CDC25B: variants seen among roughly 807,000 people sequenced by gnomAD.
The protein encoded by CDC25B is M-phase inducer phosphatase 2.
CDC25B carries 33 observed loss-of-function variants against 69.8 expected under a neutral mutation model. The ratio of observed to expected loss-of-function variants is 0.47; its 90% CI spans 0.36 to 0.63. The LOEUF (loss-of-function observed/expected upper bound fraction) is 0.63. Ranked by LOEUF, CDC25B falls within the 30% of genes least tolerant of loss-of-function variation. The pLI is 0.00. For missense variants in CDC25B, 727 were observed against 809.1 expected, an observed-to-expected ratio of 0.90 and a Z score of 1.23; for synonymous variants, 341 against 314.6, an observed-to-expected ratio of 1.08 and a Z score of -0.89.
In CDC25B at chr20:3,805,063, T is replaced by C; in HGVS notation, c.*102T>C. On this transcript the variant is annotated 3_prime_UTR_variant, in exon 16 of 16. Coordinates refer to ENST00000245960, the MANE Select transcript of CDC25B (RefSeq NM_021873.4). The stretch of plus-strand genomic sequence containing the variant: ...AGGGCCTGCTGGAGGCCTCAGGTGC[T>C]GTCCATGGGAAAGATGGTGTGGGTG... The C allele has an allele frequency of 8.2e-7, 1 of 1,226,910 alleles. No individual in the cohort carries two copies. The highest frequency in any genetic ancestry group is 2.5e-5 in the East Asian group (1 of 39,954). 76.0% of individuals were successfully genotyped at this position (1,226,910 alleles called of 1,614,324 possible). A position where few individuals can be genotyped will look rare whatever the true frequency, so the allele number is the denominator to read the frequency against.
chr20:3,791,780 C>A (rs1393561700), upstream of CDC25B, among the ~76,000 whole-genome samples: 1 of 152,204 alleles, frequency 6.6e-6, no homozygotes, highest in Non-Finnish European at 1.5e-5. Context: ...GGCATACTTA[C>A]TGCATCGTTG....
chr20:3,804,639 A>G lies in CDC25B; in HGVS notation c.1561A>G (p.Ile521Val), dbSNP rs2089410321. 1 of 1,613,848 alleles carries G rather than the reference A, an allele frequency of 6.2e-7. No homozygotes were observed. Among genetic ancestry groups the G allele is most frequent in the Non-Finnish European group, 8.5e-7 (1 of 1,179,922 alleles). The change falls in exon 15 of 16, where the codon ATC (isoleucine) becomes GTC (valine). Residue 521 changes from isoleucine (I) to valine (V), a missense_variant. Physicochemically the swap from Ile to Val is conservative, Grantham distance 29. This residue lies in a region of CDC25B where 359 missense variants were observed against 463.4 expected (regional missense o/e 0.77). Coordinates refer to ENST00000245960, the MANE Select transcript of CDC25B (RefSeq NM_021873.4). ...CAGCCTCTACTACCCTGAGATGTAT[A>G]TCCTGAAAGGCGGCTACAAGGAGTT... Reference protein sequence around the residue: ...YPSLYYPEMYILKGGYKEFFP... With the variant: ...YPSLYYPEMYVLKGGYKEFFP...
upstream of CDC25B, among the ~76,000 whole-genome samples, chr20:3,795,587 C>T (rs2087200520): frequency 6.6e-6 from 1 of 152,212 alleles, no homozygotes; most frequent in African/African-American, 2.4e-5. Context: ...CCTAGTTCCA[C>T]CGTTTAGAGC....
chr20:3,798,823 T>C (rs2089160402), intron 3 of CDC25B, among the ~76,000 whole-genome samples: 1 of 152,218 alleles, frequency 6.6e-6, no homozygotes. Flanking sequence ...TGTGAAATAT[T>C]ACAATTTAAA....
chr20:3,796,526 G>C lies in CDC25B; in HGVS notation c.-6G>C, dbSNP rs1335559534. ...CTCCAGCCAGCCTTCTGCCGGCCCC[G>C]CCGCGATGGAGGTGCCCCAGCCGGA... On this transcript the variant is annotated 5_prime_UTR_variant, in exon 1 of 16. Coordinates refer to ENST00000245960, the MANE Select transcript of CDC25B (RefSeq NM_021873.4). 28 of 1,485,558 alleles carry C rather than the reference G, an allele frequency of 1.9e-5. No individual in the cohort carries two copies. The highest frequency in any genetic ancestry group is 2.5e-5 in the Non-Finnish European group (28 of 1,125,434). The allele number at this position is 1,485,558 out of a possible 1,614,324, so 92.0% of individuals were successfully genotyped here.
upstream of CDC25B, among the ~76,000 whole-genome samples, chr20:3,794,728 C>G (rs1036132235): frequency 3.3e-5 from 5 of 152,184 alleles, no homozygotes; most frequent in African/African-American, 4.8e-5. Flanking sequence ...GGAAAGGTCA[C>G]GTTCCCACCT....
At chr20:3,798,228 C>T (rs1373543076) in intron 2 of CDC25B, among the ~76,000 whole-genome samples, 184 bp from the exon 3 acceptor site, 3 of 151,758 alleles carry the variant, frequency 2.0e-5, no homozygotes, top group African/African-American at 2.4e-5. Context: ...AGCCCTGTAC[C>T]GTCTGGGGGA....
rs1295421990 is a variant in CDC25B at position 3,796,427 on chromosome 20, C to CG, written c.-105_-104insG. ...TTCCTCCCTCCCTCCTTCCCCCCCC[C>CG]CCCACCCCTCGCCCGCTGCCTCCCT... is the stretch of plus-strand genomic sequence containing the variant. On this transcript the variant is annotated 5_prime_UTR_variant, in exon 1 of 16. Transcript: ENST00000245960. The CG allele has an allele frequency of 1.2e-5, 3 of 253,908 alleles. No individual in the cohort carries two copies. Among genetic ancestry groups the CG allele is most frequent in the South Asian group, 4.9e-5 (1 of 20,326 alleles). 15.7% of individuals were successfully genotyped at this position (253,908 alleles called of 1,614,324 possible).
chr20:3,795,996 C>T (rs1276087259), upstream of CDC25B: 27 of 989,816 alleles, frequency 2.7e-5, no homozygotes, highest in Non-Finnish European at 3.2e-5. Flanking sequence ...GACGACATGC[C>T]GCGGGGGGTC....
In CDC25B at chr20:3,805,545, C is replaced by A; in HGVS notation, c.*584C>A. The A allele has an allele frequency of 2.6e-6, 1 of 385,368 alleles. No homozygotes were observed. Among genetic ancestry groups the A allele is most frequent in the South Asian group, 1.4e-4 (1 of 7,082 alleles). The allele number at this position is 385,368 out of a possible 1,614,324, so 23.9% of individuals were successfully genotyped here. ...CTTACTCTTTCCTATTTCAGTGTTA[C>A]CTGTGTGCTTGGTCTGTTTGACTTT... On this transcript the variant is annotated 3_prime_UTR_variant, in exon 16 of 16. Coordinates refer to ENST00000245960, the MANE Select transcript of CDC25B (RefSeq NM_021873.4).
exon 1 of CDC25B, chr20:3,787,083 C>A: frequency 5.2e-6 from 3 of 575,232 alleles, no homozygotes; most frequent in Non-Finnish European, 9.2e-6. Context: ...TTTTGCGGAA[C>A]CTGAAAAATT....
At position 3,796,526 on chromosome 20, in the gene CDC25B, G is replaced by A. The variant is rs1335559534; in HGVS notation, c.-6G>A. ...CTCCAGCCAGCCTTCTGCCGGCCCCGCCGCGATGGAGGTGCCCCAGCCGGA... is the reference window on the plus strand; with the variant it reads ...CTCCAGCCAGCCTTCTGCCGGCCCCACCGCGATGGAGGTGCCCCAGCCGGA... On this transcript the variant is annotated 5_prime_UTR_variant, in exon 1 of 16. Transcript: ENST00000245960. 1 of 1,485,654 alleles carries A rather than the reference G, an allele frequency of 6.7e-7. No homozygotes were observed. Among genetic ancestry groups the A allele is most frequent in the African/African-American group, 1.5e-5 (1 of 67,846 alleles). The allele number at this position is 1,485,654 out of a possible 1,614,324, so 92.0% of individuals were successfully genotyped here. A position where few individuals can be genotyped will look rare whatever the true frequency, so the allele number is the denominator to read the frequency against.
Position 3,804,844 on chromosome 20 carries a change from C to T in CDC25B, c.1626C>T (p.Tyr542=), listed in dbSNP as rs769908194. 1.9e-6 allele frequency: 3 copies of T among 1,614,196 alleles called. No homozygotes were observed. The highest frequency in any genetic ancestry group is 2.5e-6 in the Non-Finnish European group (3 of 1,180,018). ...AGAACTTCTGTGAACCCCAGGACTA[C>T]CGGCCCATGAACCACGAGGCCTTCA... ...QHPNFCEPQD[Y]RPMNHEAFKD... is the part of the protein sequence containing the mutation. Residue 542 remains tyrosine (Y), a synonymous_variant, in exon 16 of 16, where the codon TAC becomes TAT. Transcript: ENST00000245960.
chr20:3,803,642 C>A lies in CDC25B; in HGVS notation c.1490+105C>A. 1 of 1,415,752 alleles carries A rather than the reference C, an allele frequency of 7.1e-7. No homozygotes were observed. Among genetic ancestry groups the A allele is most frequent in the Non-Finnish European group, 9.8e-7 (1 of 1,025,328 alleles). The allele number at this position is 1,415,752 out of a possible 1,614,324, so 87.7% of individuals were successfully genotyped here. A position where few individuals can be genotyped will look rare whatever the true frequency, so the allele number is the denominator to read the frequency against. On this transcript the variant is annotated intron_variant, in intron 14 of 15. Coordinates refer to ENST00000245960, the MANE Select transcript of CDC25B (RefSeq NM_021873.4). The surrounding 1 kb of genome is among the most constrained non-coding windows in gnomAD (Gnocchi z 4.9). The stretch of plus-strand genomic sequence containing the variant: ...GATGGCCAGGGGTGCAAGTCCAGGT[C>A]CTCCTCTGTCCCATCTGATGGCCTA...
At chr20:3,798,367 C>T (rs773018359) in intron 2 of CDC25B, 45 bp from the exon 3 acceptor site, 1 of 609,378 alleles carries the variant, frequency 1.6e-6, no homozygotes, top group Non-Finnish European at 2.5e-6. Flanking sequence ...GGAAAGAATA[C>T]AGAAAGTGCC....
chr20:3,799,525 T>TGCGCGCGCGCGC (rs35316200), intron 3 of CDC25B, among the ~76,000 whole-genome samples: 18 of 68,688 alleles, frequency 2.6e-4, no homozygotes, highest in African/African-American at 7.7e-4. Context: ...TGTGTGTGTG[T>TGCGCGCGCGCGC]GCGCGCGCGC....
chr20:3,794,729 G>A (rs958979104), upstream of CDC25B, among the ~76,000 whole-genome samples: 7 of 152,242 alleles, frequency 4.6e-5, no homozygotes, highest in Middle Eastern at 0.017. Flanking sequence ...GAAAGGTCAC[G>A]TTCCCACCTT....
At chr20:3,797,016 G>A (rs917653738) in intron 1 of CDC25B, among the ~76,000 whole-genome samples, 2 of 151,984 alleles carry the variant, frequency 1.3e-5, no homozygotes, top group East Asian at 1.9e-4. Context: ...CCTCCACCAC[G>A]CTGCCTCCGT....
Position 3,802,117 on chromosome 20 carries a change from T to G in CDC25B, c.1098+17T>G. 6.5e-7 allele frequency: 1 copy of G among 1,544,186 alleles called. No individual in the cohort carries two copies. Among genetic ancestry groups the G allele is most frequent in the Non-Finnish European group, 8.8e-7 (1 of 1,141,282 alleles). Reference sequence around the variant, plus strand: ...GAGGAACCTGTGAGTGCCTTCCTCCTGGGGTTCACTTTGGCATGCACCTGG... The same window carrying G: ...GAGGAACCTGTGAGTGCCTTCCTCCGGGGGTTCACTTTGGCATGCACCTGG... On this transcript the variant is annotated intron_variant, in intron 10 of 15. Transcript: ENST00000245960.
Sources: allele counts gnomAD v4.1 joint callset (sites outside exome capture counted in the v4.1 genomes callset), GRCh38; gene constraint gnomAD v4.1.1; regional missense constraint gnomAD v4.1.1; non-coding constraint Gnocchi (gnomAD v3.1); transcripts MANE v1.5; gene names NCBI Gene and HGNC (gene_info 2026-07-23, HGNC 2026-07-21).